Variants in LRMDA observed in about 807,000 individuals in gnomAD.
The protein encoded by LRMDA is leucine rich melanocyte differentiation associated.
In LRMDA, 18 loss-of-function variants were observed where a neutral mutation model predicts 29.8. The ratio of observed to expected loss-of-function variants is 0.60; its 90% CI spans 0.42 to 0.90. The LOEUF (loss-of-function observed/expected upper bound fraction) is 0.90, where lower values mean the gene tolerates loss of function less well. Among genes scored for constraint, LRMDA ranks in the 40% least tolerant of loss-of-function variants. The pLI is 0.00. For synonymous variants in LRMDA, 125 were observed against 109.4 expected (o/e 1.14, Z -0.89); for missense variants, 273 against 273.9 (o/e 1.00, Z 0.02).
In LRMDA at chr10:76,210,128, T is replaced by A. The variant is rs76035649; in HGVS notation, c.517-114273T>A. Among the ~76,000 whole-genome samples the A allele has an allele frequency of 1.3e-3, 191 of 152,308 alleles. 1 individual carries two copies. The highest frequency in any genetic ancestry group is 4.4e-3 in the African/African-American group (184 of 41,572). On this transcript the variant is annotated intron_variant, in intron 5 of 6. Coordinates refer to ENST00000611255, the MANE Select transcript of LRMDA (RefSeq NM_001305581.2). ...AATTACACATAATTTGGGTGACAGC[T>A]GAAATGCAAACCTAAACATTCAATC...
chr10:75,945,389 T>C (rs763212893), intron 2 of LRMDA, among the ~76,000 whole-genome samples: 9 of 152,214 alleles, frequency 5.9e-5, no homozygotes, highest in Non-Finnish European at 8.8e-5. Context: ...TTCTCTTCTT[T>C]CTGGGATCAC....
At chr10:76,331,286 A>G (rs1262446284) in intron 6 of LRMDA, among the ~76,000 whole-genome samples, 1 of 152,150 alleles carries the variant, frequency 6.6e-6, no homozygotes, top group Admixed American at 6.5e-5. Flanking sequence ...AAACAAGCAA[A>G]CTAACAAAAA....
chr10:76,093,996 C>A (rs560783040), intron 5 of LRMDA, among the ~76,000 whole-genome samples: 1 of 152,350 alleles, frequency 6.6e-6, no homozygotes, highest in South Asian at 2.1e-4. Context: ...TTTGAAGCCA[C>A]AGGCTGTACC....
intron 2 of LRMDA, among the ~76,000 whole-genome samples, chr10:75,898,382 T>C (rs1242648174): frequency 2.0e-5 from 3 of 152,192 alleles, no homozygotes; most frequent in African/African-American, 7.2e-5. Context: ...AAGACAGATT[T>C]CTGGAGGCAG....
intron 5 of LRMDA, among the ~76,000 whole-genome samples, chr10:76,142,242 A>G (rs1850215574): frequency 6.6e-6 from 1 of 152,094 alleles, no homozygotes; most frequent in African/African-American, 2.4e-5. Context: ...ATGACACACT[A>G]TCAATTGGTT....
At chr10:75,597,124 C>T (rs1312359386) in intron 2 of LRMDA, among the ~76,000 whole-genome samples, 1 of 152,016 alleles carries the variant, frequency 6.6e-6, no homozygotes, top group African/African-American at 2.4e-5. Flanking sequence ...CAGGGGTCCA[C>T]TTAATTACAA....
chr10:76,209,106 A>G (rs1178287056), intron 5 of LRMDA, among the ~76,000 whole-genome samples: 2 of 152,100 alleles, frequency 1.3e-5, no homozygotes, highest in Admixed American at 6.5e-5. Flanking sequence ...GTGAGCTGAG[A>G]TCACACCCAC....
chr10:75,538,539 C>CA (rs1461604799), intron 2 of LRMDA, among the ~76,000 whole-genome samples: 2 of 151,952 alleles, frequency 1.3e-5, no homozygotes, highest in African/African-American at 4.8e-5. Context: ...TGAAAAATGG[C>CA]AAAAAATGGC....
rs1376258046 is a variant in LRMDA, at chr10:75,563,171, C to A, written c.131+124677C>A. 3.3e-5 allele frequency among the ~76,000 whole-genome samples: 5 copies of A among 152,230 alleles called. No individual in the cohort carries two copies. In the East Asian group the frequency reaches 5.8e-4, roughly 18 times the overall value. Reference sequence around the variant, plus strand: ...CCCCGTCACTTTCAGGTACACCAATCAGACGTAGATTTGGTCTTTTCACAT... The same window carrying A: ...CCCCGTCACTTTCAGGTACACCAATAAGACGTAGATTTGGTCTTTTCACAT... On this transcript the variant is annotated intron_variant, in intron 2 of 6. Transcript: ENST00000611255.
At chr10:75,823,773 TACAC>T (rs968183169) in intron 2 of LRMDA, among the ~76,000 whole-genome samples, 9 of 143,834 alleles carry the variant, frequency 6.3e-5, no homozygotes, top group African/African-American at 2.1e-4. Context: ...CACACACACA[TACAC>T]ACACACACCA....
chr10:75,848,881 C>T (rs955845133), intron 2 of LRMDA, among the ~76,000 whole-genome samples: 4 of 152,164 alleles, frequency 2.6e-5, no homozygotes, highest in African/African-American at 7.2e-5. Flanking sequence ...TGCCCATACT[C>T]TGCTTTGCTG....
At chr10:76,068,590 C>T (rs1848824778) in intron 5 of LRMDA, among the ~76,000 whole-genome samples, 1 of 152,180 alleles carries the variant, frequency 6.6e-6, no homozygotes, top group Non-Finnish European at 1.5e-5. Context: ...GGAGGCAGAG[C>T]CCAGGCAGTA....
At chr10:75,977,124 C>T (rs1171653894) in intron 2 of LRMDA, among the ~76,000 whole-genome samples, 17 of 140,286 alleles carry the variant, frequency 1.2e-4, no homozygotes, top group African/African-American at 2.9e-4. Context: ...CTTTTCTTCC[C>T]TTTTTTTTTT....
chr10:76,119,477 T>C (rs1163650440), intron 5 of LRMDA, among the ~76,000 whole-genome samples: 2 of 152,188 alleles, frequency 1.3e-5, no homozygotes, highest in African/African-American at 4.8e-5. Flanking sequence ...ATATAGTATG[T>C]CAAGCTTCCA....
At chr10:76,471,846 A>G (rs1246739866) in intron 6 of LRMDA, among the ~76,000 whole-genome samples, 1 of 151,820 alleles carries the variant, frequency 6.6e-6, no homozygotes, top group Non-Finnish European at 1.5e-5. Flanking sequence ...TTGTGATGAT[A>G]AAAGTGTCAA....
At chr10:75,551,379 G>C (rs924394936) in intron 2 of LRMDA, among the ~76,000 whole-genome samples, 1 of 151,854 alleles carries the variant, frequency 6.6e-6, no homozygotes, top group Admixed American at 6.6e-5. Context: ...TACATGTGCA[G>C]AACATACGGG....
intron 2 of LRMDA, among the ~76,000 whole-genome samples, chr10:75,874,920 T>C (rs74728345): frequency 3.3e-5 from 5 of 152,210 alleles, no homozygotes; most frequent in African/African-American, 1.2e-4. Context: ...TTCAGTTCAG[T>C]GAGCCTAAGG....
At chr10:76,370,415 T>A (rs1841440886) in intron 6 of LRMDA, among the ~76,000 whole-genome samples, 1 of 152,204 alleles carries the variant, frequency 6.6e-6, no homozygotes, top group Non-Finnish European at 1.5e-5. Flanking sequence ...GCTATAATTA[T>A]TTCATTTGTA....
At position 76,210,239 on chromosome 10, in the gene LRMDA, A is replaced by G. The variant is rs530568973; in HGVS notation, c.517-114162A>G. ...ATACTTTAATTATGTTAATTATACC[A>G]TGGTTTCAAGCCCTGCTACTACAAC... On this transcript the variant is annotated intron_variant, in intron 5 of 6. Coordinates refer to ENST00000611255, the MANE Select transcript of LRMDA (RefSeq NM_001305581.2). 2.5e-4 allele frequency among the ~76,000 whole-genome samples: 38 copies of G among 152,318 alleles called. 1 individual carries two copies. The highest frequency in any genetic ancestry group is 7.9e-4 in the African/African-American group (33 of 41,580).
Sources: gnomAD v4.1 joint callset for allele counts (sites outside exome capture counted in the v4.1 genomes callset) on GRCh38, gnomAD v4.1.1 for gene constraint, MANE v1.5 for transcripts, NCBI Gene and HGNC (gene_info 2026-07-23, HGNC 2026-07-21) for gene names.